Variants in ZNF567 observed in about 807,000 individuals in gnomAD.
ZNF567 encodes the protein zinc finger protein 567.
A neutral mutation model predicts 53.9 loss-of-function variants in ZNF567; 36 were observed. The observed-to-expected ratio is 0.67, with a 90% CI of 0.51 to 0.88. The LOEUF (loss-of-function observed/expected upper bound fraction) is 0.88, where lower values mean the gene tolerates loss of function less well. Ranked by LOEUF, ZNF567 falls within the 40% of genes least tolerant of loss-of-function variation. ZNF567 has a pLI of 0.00. For synonymous variants in ZNF567, 224 were observed against 260.4 expected (o/e 0.86, Z 1.35); for missense variants, 619 against 764.7 (o/e 0.81, Z 2.25).
chr19:36,712,511 G>C lies in ZNF567; in HGVS notation c.135G>C (p.Val45=). The C allele has an allele frequency of 6.2e-7, 1 of 1,613,974 alleles. No individual in the cohort carries two copies. Among genetic ancestry groups the C allele is most frequent in the Non-Finnish European group, 8.5e-7 (1 of 1,179,970 alleles). Residue 45 remains valine, a splice_region_variant and synonymous_variant, in exon 4 of 6, where the codon GTG becomes GTC. Transcript: ENST00000682579. ...AAAACTATTGCCACCTCATCTCTGT[G>C]GGTAAGAAAAATCCTCTTTGAAACT... ...MLENYCHLIS[V]GCHMTKPDVI...
the ZNF567 span, among the ~76,000 whole-genome samples, chr19:36,670,331 G>C: frequency 3.8e-4 from 58 of 152,140 alleles, no homozygotes; most frequent in East Asian, 0.011. Context: ...GGGCTGTTAT[G>C]GTGGGAGAGG....
At chr19:36,700,525 A>G (rs923247522) in intron 3 of ZNF567, among the ~76,000 whole-genome samples, 135 of 150,988 alleles carry the variant, frequency 8.9e-4, no homozygotes, top group African/African-American at 3.2e-3. Flanking sequence ...TACCTCTGGT[A>G]GAATTCGGCT....
At chr19:36,699,333 T>G (rs2039054446) in intron 3 of ZNF567, among the ~76,000 whole-genome samples, 1 of 152,184 alleles carries the variant, frequency 6.6e-6, no homozygotes, top group Non-Finnish European at 1.5e-5. Flanking sequence ...AACCTTGTAG[T>G]ATAGTTTGAA....
At chr19:36,685,374 G>A (rs143593271), upstream of ZNF567, 11 of 152,124 alleles carry the variant, frequency 7.2e-5, no homozygotes, top group African/African-American at 2.7e-4. Context: ...CCTCCGAATC[G>A]GGGTGGGGGT....
In ZNF567 at chr19:36,712,818, G is replaced by GAT; in HGVS notation, c.174_175insAT (p.Glu59MetfsTer27). ...CCAAACCTGATGTGATCCTCAAGTT[G>GAT]GAACGAGGAGAAGAGCCATGGACAT... On this transcript the variant is annotated frameshift_variant, in exon 5 of 6. Transcript: ENST00000682579. LOFTEE classifies it high-confidence loss of function. 2 of 1,614,028 alleles carry GAT rather than the reference G, an allele frequency of 1.2e-6. No homozygotes were observed. The highest frequency in any genetic ancestry group is 1.7e-6 in the Non-Finnish European group (2 of 1,179,994).
chr19:36,677,898 C>T, the ZNF567 span, among the ~76,000 whole-genome samples: 1 of 152,122 alleles, frequency 6.6e-6, no homozygotes, highest in Non-Finnish European at 1.5e-5. Flanking sequence ...ATTTTTATAG[C>T]TGCAAACACT....
chr19:36,673,993 C>G, the ZNF567 span, among the ~76,000 whole-genome samples: 3 of 152,174 alleles, frequency 2.0e-5, no homozygotes, highest in African/African-American at 4.8e-5. Flanking sequence ...ATCCCACCCG[C>G]TTCACAAAGC....
the ZNF567 span, among the ~76,000 whole-genome samples, chr19:36,678,242 A>C: frequency 6.6e-6 from 1 of 152,156 alleles, no homozygotes; most frequent in African/African-American, 2.4e-5. Flanking sequence ...GAGAGAACTG[A>C]GGTCCCTTCA....
chr19:36,706,271 A>G (rs4806344), intron 3 of ZNF567, among the ~76,000 whole-genome samples: 24,513 of 152,194 alleles, frequency 0.16, 2,347 homozygotes, highest in Non-Finnish European at 0.22. Flanking sequence ...TCGTAATACT[A>G]TCACATTGGC....
intron 2 of ZNF567, among the ~76,000 whole-genome samples, chr19:36,693,237 G>A (rs541809025): frequency 2.0e-5 from 3 of 152,074 alleles, no homozygotes; most frequent in Non-Finnish European, 2.9e-5. Context: ...TGCAATGAGC[G>A]GTGATAGGCC....
chr19:36,724,620 T>G (rs1435213231), downstream of ZNF567, among the ~76,000 whole-genome samples: 1 of 148,584 alleles, frequency 6.7e-6, no homozygotes, highest in Non-Finnish European at 1.5e-5. Context: ...AGGTGGACAT[T>G]GTAGTGAGCC....
chr19:36,692,613 C>T (rs1026945249), intron 2 of ZNF567, among the ~76,000 whole-genome samples: 1 of 152,038 alleles, frequency 6.6e-6, no homozygotes, highest in Non-Finnish European at 1.5e-5. Flanking sequence ...TAAGCTCATG[C>T]GATCTTACTG....
chr19:36,694,912 T>TG, intron 3 of ZNF567, 36 bp downstream of exon 3: 1 of 114,826 alleles, frequency 8.7e-6, no homozygotes, highest in East Asian at 2.9e-4. Flanking sequence ...TCTGAAAGTC[T>TG]TTTTTTTTTT....
the ZNF567 span, among the ~76,000 whole-genome samples, chr19:36,679,909 T>C: frequency 1.3e-5 from 2 of 152,178 alleles, no homozygotes; most frequent in Admixed American, 1.3e-4. Context: ...CATTCTGCTG[T>C]TCTTTTGTCC....
Position 36,719,087 on chromosome 19 carries a change from CA to C in ZNF567, c.368del (p.Asn123ThrfsTer3). 1.2e-6 allele frequency: 2 copies of C among 1,612,048 alleles called. No individual in the cohort carries two copies. Among genetic ancestry groups the C allele is most frequent in the Non-Finnish European group, 1.7e-6 (2 of 1,179,514 alleles). On this transcript the variant is annotated frameshift_variant, in exon 6 of 6. Coordinates refer to ENST00000682579, the MANE Select transcript of ZNF567 (RefSeq NM_001322917.1). LOFTEE classifies it high-confidence loss of function. The part of the protein sequence containing the change: ...KIYEKTFTLG[K>X]NPVNSKNLPP... ...TATATGAAAAGACATTTACTCTAGG[CA>C]AAAACCCTGTGAATTCAAAAAATCT...
chr19:36,712,281 C>T, intron 3 of ZNF567, 105 bp from the exon 4 acceptor site: 1 of 1,216,332 alleles, frequency 8.2e-7, no homozygotes, highest in Non-Finnish European at 1.1e-6. Context: ...CTCATGACCT[C>T]AAGTGATCCA....
At chr19:36,674,155 G>A in the ZNF567 span, among the ~76,000 whole-genome samples, 1 of 152,086 alleles carries the variant, frequency 6.6e-6, no homozygotes, top group Admixed American at 6.6e-5. Context: ...ATACTATTTA[G>A]TTCATTTTTA....
downstream of ZNF567, among the ~76,000 whole-genome samples, chr19:36,726,486 A>C (rs1395686637): frequency 6.6e-6 from 1 of 152,132 alleles, no homozygotes; most frequent in South Asian, 2.1e-4. Context: ...CCTTCTACTG[A>C]CACCTGGGTG....
At chr19:36,723,679 C>G (rs1600592272), downstream of ZNF567, among the ~76,000 whole-genome samples, 1 of 151,798 alleles carries the variant, frequency 6.6e-6, no homozygotes, top group Non-Finnish European at 1.5e-5. Flanking sequence ...ACTAAAAATA[C>G]AAAAATTAGC....
Sources: gnomAD v4.1 joint callset for allele counts (sites outside exome capture counted in the v4.1 genomes callset) on GRCh38, gnomAD v4.1.1 for gene constraint, MANE v1.5 for transcripts, NCBI Gene and HGNC (gene_info 2026-07-23, HGNC 2026-07-21) for gene names.